The following OBSL1 variants were observed in gnomAD, a reference collection of about 807,000 sequenced individuals.
OBSL1 encodes the protein obscurin like cytoskeletal adaptor 1.
OBSL1 carries 160 observed loss-of-function variants against 172.0 expected under a neutral mutation model. That is an observed-to-expected ratio of 0.93 (90% CI 0.82 to 1.06). OBSL1 has a LOEUF of 1.06. Among genes scored for constraint, OBSL1 ranks in the 50% least tolerant of loss-of-function variants. OBSL1 has a pLI of 0.00. For missense variants in OBSL1, 2,681 were observed against 2,715.4 expected, an observed-to-expected ratio of 0.99 and a Z score of 0.28; for synonymous variants, 1,200 against 1,196.3, an observed-to-expected ratio of 1.00 and a Z score of -0.06.
chr2:219,556,612 A>G lies in OBSL1; in HGVS notation c.4178T>C (p.Leu1393Pro). The G allele has an allele frequency of 6.2e-7, 1 of 1,613,974 alleles. No homozygotes were observed. Among genetic ancestry groups the G allele is most frequent in the East Asian group, 2.2e-5 (1 of 44,884 alleles). Residue 1393 changes from leucine (L) to proline (P), a missense_variant, in exon 13 of 21, where the codon CTG becomes CCG. Physicochemically the swap from Leu to Pro is moderately conservative, Grantham distance 98. Transcript: ENST00000404537. The part of the protein sequence containing the change: ...VSPPDADVTW[L>P]RNGAVVTPGP... ...TGGAGTGACGACGGCCCCATTGCGCAGCCAGGTGACATCGGCATCTGGTGG... is the reference window on the plus strand; with the variant it reads ...TGGAGTGACGACGGCCCCATTGCGCGGCCAGGTGACATCGGCATCTGGTGG...
chr2:219,554,994 G>A (rs891667684), intron 14 of OBSL1, among the ~76,000 whole-genome samples: 1 of 152,144 alleles, frequency 6.6e-6, no homozygotes, highest in Non-Finnish European at 1.5e-5. Context: ...TGGAGTCTGG[G>A]TGAGGGGTGC....
intron 17 of OBSL1, 30 bp downstream of exon 17, chr2:219,552,838 T>G: frequency 1.3e-6 from 2 of 1,541,322 alleles, no homozygotes; most frequent in Non-Finnish European, 1.7e-6. Context: ...CCCAAAGCAG[T>G]GCCCAGCCTC....
chr2:219,563,278 A>G, intron 7 of OBSL1, 77 bp downstream of exon 7: 2 of 1,403,214 alleles, frequency 1.4e-6, no homozygotes, highest in Non-Finnish European at 1.9e-6. Context: ...GTGGCCTGGG[A>G]GTGAAGGTGT....
rs756496507 is a variant in OBSL1 at position 219,558,334 on chromosome 2, C to A, written c.3352G>T (p.Gly1118Trp). The stretch of plus-strand genomic sequence containing the variant: ...GCATCTGATGCCTCCACTTCCAGCC[C>A]GTCCTTGTACCAGCGCACCTGAGAC... ...AGSQVRWYKD[G>W]LEVEASDALQ... Residue 1118 changes from glycine (G) to tryptophan (W), a missense_variant, in exon 10 of 21, where the codon GGG becomes TGG. By Grantham distance (184) the Gly-to-Trp change is radical. This residue lies in a region of OBSL1 where 1,765 missense variants were observed against 1,748.3 expected (regional missense o/e 1.01). Transcript: ENST00000404537. 2.5e-6 allele frequency: 4 copies of A among 1,612,640 alleles called. No individual in the cohort carries two copies. The highest frequency in any genetic ancestry group is 3.4e-6 in the Non-Finnish European group (4 of 1,179,586).
Position 219,567,083 on chromosome 2 carries a change from T to A in OBSL1, c.1881A>T (p.Val627=). The change falls in exon 5 of 21, where the codon GTA becomes GTT. Residue 627 remains valine, a synonymous_variant. Coordinates refer to ENST00000404537, the MANE Select transcript of OBSL1 (RefSeq NM_015311.3). ...AGAAGACGGCATCTTCCCCGTCGTATACCTGCACATCCTCCAGACCTGCCA... is the reference window on the plus strand; with the variant it reads ...AGAAGACGGCATCTTCCCCGTCGTAAACCTGCACATCCTCCAGACCTGCCA... ...RLVAGLEDVQ[V]YDGEDAVFSL... 1 of 1,613,326 alleles carries A rather than the reference T, an allele frequency of 6.2e-7. No individual in the cohort carries two copies. Among genetic ancestry groups the A allele is most frequent in the Non-Finnish European group, 8.5e-7 (1 of 1,179,832 alleles).
Position 219,557,505 on chromosome 2 carries a change from AGCGTACAGGGCCCCCTGGC to A in OBSL1, c.3885_3903del (p.Pro1296GlyfsTer59). 1 of 1,553,540 alleles carries A rather than the reference AGCGTACAGGGCCCCCTGGC, an allele frequency of 6.4e-7. No homozygotes were observed. Among genetic ancestry groups the A allele is most frequent in the South Asian group, 1.2e-5 (1 of 84,248 alleles). ...GCCAGTCGCTCCCCGTCCTTGTACC[AGCGTACAGGGCCCCCTGGC>A]CCGGAGAGGTGCACCACCAGCTCTA... On this transcript the variant is annotated frameshift_variant, in exon 12 of 21. Transcript: ENST00000404537. LOFTEE classifies it high-confidence loss of function.
chr2:219,548,960 A>T (rs1046640733), downstream of OBSL1: 4 of 615,880 alleles, frequency 6.5e-6, no homozygotes, highest in Non-Finnish European at 1.1e-5. Context: ...GACCTATGGA[A>T]GAAAAGAACA....
chr2:219,557,712 T>A, intron 11 of OBSL1, 94 bp from the exon 12 acceptor site: 2 of 1,525,342 alleles, frequency 1.3e-6, no homozygotes, highest in Non-Finnish European at 1.7e-6. Flanking sequence ...CTGAGAGAAG[T>A]GGGGCCAGGG....
chr2:219,565,805 G>C (rs979921693), intron 5 of OBSL1, among the ~76,000 whole-genome samples: 1 of 152,190 alleles, frequency 6.6e-6, no homozygotes, highest in African/African-American at 2.4e-5. Flanking sequence ...TGGAAATGCT[G>C]CTCTGGTTGC....
At chr2:219,556,798 C>T in intron 12 of OBSL1, 75 bp from the exon 13 acceptor site, 4 of 1,435,872 alleles carry the variant, frequency 2.8e-6, no homozygotes, top group Non-Finnish European at 3.7e-6. Flanking sequence ...CCTCAGGATG[C>T]AGGCCCTCGT....
chr2:219,549,962 G>C (rs1297440899), downstream of OBSL1: 3 of 1,440,242 alleles, frequency 2.1e-6, no homozygotes, highest in African/African-American at 4.2e-5. Context: ...CCCCAGCCTG[G>C]AGAGGGCTGG....
Position 219,570,776 on chromosome 2 carries a change from C to A in OBSL1, c.457G>T (p.Gly153Cys). The A allele has an allele frequency of 6.7e-7, 1 of 1,491,198 alleles. No homozygotes were observed. The allele number at this position is 1,491,198 out of a possible 1,614,324, so 92.4% of individuals were successfully genotyped here. A position where few individuals can be genotyped will look rare whatever the true frequency, so the allele number is the denominator to read the frequency against. Residue 153 changes from glycine (G) to cysteine (C), a missense_variant, in exon 1 of 21, where the codon GGC (glycine) becomes TGC (cysteine). Physicochemically the swap from Gly to Cys is radical, Grantham distance 159 (BLOSUM62 -3). Transcript: ENST00000404537. ...AEVVLTCRAG[G>C]LPEPTLYWEK... ...CAGTACAGTGTGGGCTCGGGGAGGC[C>A]CCCCGCCCGGCACGTCAGCACCACC...
intron 8 of OBSL1, among the ~76,000 whole-genome samples, chr2:219,560,543 C>T (rs2106053020): frequency 6.6e-6 from 1 of 151,712 alleles, no homozygotes; most frequent in South Asian, 2.1e-4. Flanking sequence ...GACTACTGCT[C>T]CATTAGCCTC....
downstream of OBSL1, chr2:219,549,024 T>G (rs1200278884): frequency 2.1e-6 from 2 of 945,884 alleles, no homozygotes; most frequent in South Asian, 3.2e-5. Flanking sequence ...AGTGACAGGG[T>G]GGGAGTAAGG....
At position 219,571,265 on chromosome 2, in the gene OBSL1, T is replaced by C; in HGVS notation, c.-33A>G. The C allele has an allele frequency of 1.3e-6, 1 of 756,432 alleles. No individual in the cohort carries two copies. Among genetic ancestry groups the C allele is most frequent in the Non-Finnish European group, 1.7e-6 (1 of 583,242 alleles). 46.9% of individuals were successfully genotyped at this position (756,432 alleles called of 1,614,324 possible). ...GCCGACCGCCTGCAGCGGCGAACGG[T>C]GGGGGGGCAGGGGGGGGTGCGGAGG... is the stretch of plus-strand genomic sequence containing the variant. On this transcript the variant is annotated 5_prime_UTR_variant, in exon 1 of 21. Coordinates refer to ENST00000404537, the MANE Select transcript of OBSL1 (RefSeq NM_015311.3).
At chr2:219,547,484 A>G, downstream of OBSL1, 1 of 1,397,666 alleles carries the variant, frequency 7.2e-7, no homozygotes, top group Non-Finnish European at 9.3e-7. Flanking sequence ...TTGGCCCCTC[A>G]CTAGCCCCTG....
At chr2:219,549,683 G>A (rs201993517), downstream of OBSL1, 69 of 1,607,048 alleles carry the variant, frequency 4.3e-5, no homozygotes, top group African/African-American at 5.2e-4. Flanking sequence ...AGGATTCTGC[G>A]GTGGGACTCA....
At position 219,550,775 on chromosome 2, in the gene OBSL1, G is replaced by T; in HGVS notation, c.*60C>A. The T allele has an allele frequency of 6.3e-7, 1 of 1,587,376 alleles. No individual in the cohort carries two copies. The highest frequency in any genetic ancestry group is 8.6e-7 in the Non-Finnish European group (1 of 1,163,792). Reference sequence around the variant, plus strand: ...TCCTTGTCTCTCTACCCCTGCCCAGGGTAAGGGCAAACGCCTTCCAAGCTG... The same window carrying T: ...TCCTTGTCTCTCTACCCCTGCCCAGTGTAAGGGCAAACGCCTTCCAAGCTG... On this transcript the variant is annotated 3_prime_UTR_variant, in exon 21 of 21. Transcript: ENST00000404537.
In OBSL1 at chr2:219,552,929, G is replaced by A. The variant is rs576784596; in HGVS notation, c.5085C>T (p.Ala1695=). Residue 1695 remains alanine, a synonymous_variant, in exon 17 of 21, where the codon GCC becomes GCT. Transcript: ENST00000404537. ...TCCCCACCGCGCAGCTGTAGGTCCC[G>A]GCGTCCGAGGGGCCGCAGCGTCGCA... ...LQLRRCGPSD[A]GTYSCAVGTA... 4 of 1,536,924 alleles carry A rather than the reference G, an allele frequency of 2.6e-6. No homozygotes were observed. The highest frequency in any genetic ancestry group is 3.5e-6 in the Non-Finnish European group (4 of 1,144,506).
Sources: gnomAD v4.1 joint callset for allele counts (sites outside exome capture counted in the v4.1 genomes callset) on GRCh38, gnomAD v4.1.1 for gene constraint, gnomAD v4.1.1 regional missense constraint, MANE v1.5 for transcripts, NCBI Gene and HGNC (gene_info 2026-07-23, HGNC 2026-07-21) for gene names.